MTCH1: variants seen among roughly 807,000 people sequenced by gnomAD.
The protein encoded by MTCH1 is mitochondrial carrier homolog 1.
Under a neutral mutation model 49.3 loss-of-function variants are expected in MTCH1, and 23 were observed. The ratio of observed to expected loss-of-function variants is 0.47; its 90% CI spans 0.34 to 0.66. MTCH1 has a LOEUF of 0.66. Ranked by LOEUF, MTCH1 falls within the 30% of genes least tolerant of loss-of-function variation. The probability of loss-of-function intolerance (pLI) is 0.01; values close to 1 mark genes in which losing one functional copy is unlikely to be tolerated. For synonymous variants in MTCH1, 229 were observed against 215.2 expected (o/e 1.06, Z -0.56); for missense variants, 397 against 532.1 (o/e 0.75, Z 2.50).
rs77389060 is a variant in MTCH1, at chr6:36,980,306, T to C, written c.406+1282A>G. Among the ~76,000 whole-genome samples, 324 of 152,286 alleles carry C rather than the reference T, an allele frequency of 2.1e-3. 9 individuals carry two copies. In the East Asian group the frequency reaches 0.049, roughly 23 times the overall value. ...TTTGGGAATGGCTGTGTCACATGAA[T>C]AGAGATGATCTGGGCTCTAACCTCG... On this transcript the variant is annotated intron_variant, in intron 2 of 11. Transcript: ENST00000373627.
rs1230629012 is a variant in MTCH1 at position 36,978,555 on chromosome 6, G to A, written c.463C>T (p.Arg155Trp). 1.9e-6 allele frequency: 3 copies of A among 1,614,130 alleles called. No individual in the cohort carries two copies. The highest frequency in any genetic ancestry group is 1.1e-5 in the South Asian group (1 of 91,070). Reference protein sequence around the residue: ...KIGLFRGLSPRLMSNALSTVT... With the variant: ...KIGLFRGLSPWLMSNALSTVT... ...GTAGAGAGGGCGTTGGACATCAGCC[G>A]GGGACTCAGGCCTCGGAACAGCCCT... Residue 155 changes from arginine (R) to tryptophan (W), a missense_variant, in exon 3 of 12, where the codon CGG (arginine) becomes TGG (tryptophan). Coordinates refer to ENST00000373627, the MANE Select transcript of MTCH1 (RefSeq NM_001271641.2).
At chr6:36,973,837 G>A (rs1763765290) in intron 7 of MTCH1, among the ~76,000 whole-genome samples, 1 of 152,232 alleles carries the variant, frequency 6.6e-6, no homozygotes, top group South Asian at 2.1e-4. Context: ...CATTGGCTGG[G>A]GTCCCGGGGC....
chr6:36,969,927 G>T (rs1413039623), intron 11 of MTCH1, 112 bp downstream of exon 11: 2 of 1,552,124 alleles, frequency 1.3e-6, no homozygotes, highest in Non-Finnish European at 1.7e-6. Context: ...TCACAATATT[G>T]AATTCCATGA....
intron 3 of MTCH1, 45 bp downstream of exon 3, chr6:36,978,460 A>G (rs1210089917): frequency 1.3e-6 from 2 of 1,584,130 alleles, no homozygotes; most frequent in Non-Finnish European, 8.7e-7. Flanking sequence ...GGCTGGGAGT[A>G]TGAGGAAACC....
At chr6:36,976,441 C>A in intron 6 of MTCH1, 1 of 434,346 alleles carries the variant, frequency 2.3e-6, no homozygotes, top group Non-Finnish European at 4.9e-6. Context: ...CCAGGCCCGG[C>A]CCCACCACTC....
Position 36,975,777 on chromosome 6 carries a change from G to A in MTCH1, c.702-60C>T, listed in dbSNP as rs368651137. ...GCAGTCACCTACCAGAAGCCCACCCGTTGGTGTGGGGCTGAGCCCACCAGT... is the reference window on the plus strand; with the variant it reads ...GCAGTCACCTACCAGAAGCCCACCCATTGGTGTGGGGCTGAGCCCACCAGT... On this transcript the variant is annotated intron_variant, in intron 6 of 11. Transcript: ENST00000373627. 154 of 1,513,204 alleles carry A rather than the reference G, an allele frequency of 1.0e-4. 1 individual carries two copies. In the African/African-American group the frequency reaches 1.2e-3, roughly 12 times the overall value. The allele number at this position is 1,513,204 out of a possible 1,614,324, so 93.7% of individuals were successfully genotyped here. A position where few individuals can be genotyped will look rare whatever the true frequency, so the allele number is the denominator to read the frequency against.
At chr6:36,980,975 T>C (rs1302418781) in intron 2 of MTCH1, among the ~76,000 whole-genome samples, 1 of 152,160 alleles carries the variant, frequency 6.6e-6, no homozygotes, top group Non-Finnish European at 1.5e-5. Flanking sequence ...CAGGAGAAGC[T>C]GACCTTACTT....
chr6:36,981,478 G>T, intron 2 of MTCH1, 110 bp downstream of exon 2: 2 of 963,810 alleles, frequency 2.1e-6, no homozygotes, highest in South Asian at 1.6e-5. Flanking sequence ...ATGCCAGCTC[G>T]ACTGCGTGCC....
Position 36,970,029 on chromosome 6 carries a change from G to C in MTCH1, c.1098+10C>G, listed in dbSNP as rs1295989302. On this transcript the variant is annotated intron_variant, in intron 11 of 11. Transcript: ENST00000373627. ...ACAGGAAAGGCCTCCGCCGTCCAGTGCTTGCTCACCTGCACACTCAGGTAC... is the reference window on the plus strand; with the variant it reads ...ACAGGAAAGGCCTCCGCCGTCCAGTCCTTGCTCACCTGCACACTCAGGTAC... 2 of 1,614,078 alleles carry C rather than the reference G, an allele frequency of 1.2e-6. No homozygotes were observed. The highest frequency in any genetic ancestry group is 4.5e-5 in the East Asian group (2 of 44,882).
intron 7 of MTCH1, 149 bp downstream of exon 7, chr6:36,975,509 G>T: frequency 1.4e-6 from 1 of 709,892 alleles, no homozygotes. Context: ...ACACGCTATG[G>T]AGCTCTGGAG....
chr6:36,972,556 G>A lies in MTCH1; in HGVS notation c.906+96C>T, dbSNP rs377243469. The A allele has an allele frequency of 7.1e-6, 10 of 1,416,558 alleles. No individual in the cohort carries two copies. The Admixed American group carries it at 1.6e-4, about 22-fold the overall frequency. The allele number at this position is 1,416,558 out of a possible 1,614,324, so 87.7% of individuals were successfully genotyped here. A position where few individuals can be genotyped will look rare whatever the true frequency, so the allele number is the denominator to read the frequency against. On this transcript the variant is annotated intron_variant, in intron 8 of 11. Transcript: ENST00000373627. This position sits in a 1 kb window ranked among gnomAD's most constrained non-coding sequence, Gnocchi z 4.1. ...ATGAGAGGTCCTCTCTCACCCTCCC[G>A]GCCTGATGCTGAGAATCCCAGAATC...
Position 36,977,248 on chromosome 6 carries a change from T to C in MTCH1, c.652A>G (p.Ile218Val). Residue 218 changes from isoleucine (I) to valine (V), a missense_variant and splice_region_variant, in exon 6 of 12, where the codon ATC becomes GTC. By Grantham distance (29) the Ile-to-Val change is conservative. This residue lies in a region of MTCH1 where 252 missense variants were observed against 388.3 expected (regional missense o/e 0.65). Transcript: ENST00000373627. The surrounding 1 kb of genome is among the most constrained non-coding windows in gnomAD (Gnocchi z 5.4). ...AACTGGACCATGCAGCGCATTGAGA[T>C]GACTGAGGAAAAAAAAGAAAACACA... Reference protein sequence around the residue: ...SRMLAHPLHVISMRCMVQFVG... With the variant: ...SRMLAHPLHVVSMRCMVQFVG... 6.2e-7 allele frequency: 1 copy of C among 1,613,946 alleles called. No individual in the cohort carries two copies. Among genetic ancestry groups the C allele is most frequent in the Non-Finnish European group, 8.5e-7 (1 of 1,179,948 alleles).
chr6:36,968,966 G>T lies in MTCH1; in HGVS notation c.1107C>A (p.Leu369=), dbSNP rs914130418. The change falls in exon 12 of 12, where the codon CTC becomes CTA. Residue 369 remains leucine (L), a synonymous_variant. Coordinates refer to ENST00000373627, the MANE Select transcript of MTCH1 (RefSeq NM_001271641.2). ...GGAAAAGCAGGCTGGAGCCTCGGAA[G>T]AGCTGGCCCTGGACCAGAAGGAAAA... ...CWKYLSVQGQ[L]FRGSSLLFRR... is the part of the protein sequence containing the mutation. 1 of 1,614,022 alleles carries T rather than the reference G, an allele frequency of 6.2e-7. No homozygotes were observed.
Position 36,970,029 on chromosome 6 carries a change from G to A in MTCH1, c.1098+10C>T, listed in dbSNP as rs1295989302. On this transcript the variant is annotated intron_variant, in intron 11 of 11. Coordinates refer to ENST00000373627, the MANE Select transcript of MTCH1 (RefSeq NM_001271641.2). ...ACAGGAAAGGCCTCCGCCGTCCAGTGCTTGCTCACCTGCACACTCAGGTAC... is the reference window on the plus strand; with the variant it reads ...ACAGGAAAGGCCTCCGCCGTCCAGTACTTGCTCACCTGCACACTCAGGTAC... 1.2e-5 allele frequency: 20 copies of A among 1,613,960 alleles called. No homozygotes were observed. The highest frequency in any genetic ancestry group is 1.7e-5 in the Non-Finnish European group (20 of 1,179,988).
In MTCH1 at chr6:36,972,655, G is replaced by A; in HGVS notation, c.903C>T (p.Ser301=). The A allele has an allele frequency of 6.4e-7, 1 of 1,550,508 alleles. No homozygotes were observed. The highest frequency in any genetic ancestry group is 8.7e-7 in the Non-Finnish European group (1 of 1,146,006). The change falls in exon 8 of 12, where the codon TCC becomes TCT. Residue 301 remains serine (S), a synonymous_variant. Transcript: ENST00000373627. This position sits in a 1 kb window ranked among gnomAD's most constrained non-coding sequence, Gnocchi z 4.1. ...GGLGNDQNPG[S]QFSQALAIRS... is the part of the protein sequence containing the mutation. ...ACAAGTCCTTGTTCCAACCAACCTG[G>A]GAACCTGGATTCTGGTCGTTTCCCA... is the stretch of plus-strand genomic sequence containing the variant.
rs1763951190 is a variant in MTCH1 at position 36,977,962 on chromosome 6, C to A, written c.591+116G>T. On this transcript the variant is annotated intron_variant, in intron 4 of 11. Coordinates refer to ENST00000373627, the MANE Select transcript of MTCH1 (RefSeq NM_001271641.2). The surrounding 1 kb of genome is among the most constrained non-coding windows in gnomAD (Gnocchi z 5.4). ...AGGGCTTCTTCCCTTACCATCCCAC[C>A]CATGCATACACAAGGACCCAACTCT... is the stretch of plus-strand genomic sequence containing the variant. The A allele has an allele frequency of 3.1e-6, 3 of 955,924 alleles. No individual in the cohort carries two copies. Among genetic ancestry groups the A allele is most frequent in the Non-Finnish European group, 5.0e-6 (3 of 596,150 alleles). 59.2% of individuals were successfully genotyped at this position (955,924 alleles called of 1,614,324 possible).
intron 1 of MTCH1, among the ~76,000 whole-genome samples, chr6:36,985,174 C>T (rs1764251981): frequency 6.6e-6 from 1 of 151,852 alleles, no homozygotes; most frequent in African/African-American, 2.4e-5. Flanking sequence ...GATAGCATTC[C>T]CCTGCAAAAG....
rs1010568918 is a variant in MTCH1 at position 36,968,880 on chromosome 6, C to A, written c.*23G>T. The A allele has an allele frequency of 6.2e-7, 1 of 1,613,770 alleles. No homozygotes were observed. The highest frequency in any genetic ancestry group is 8.5e-7 in the Non-Finnish European group (1 of 1,179,772). On this transcript the variant is annotated 3_prime_UTR_variant, in exon 12 of 12. Transcript: ENST00000373627. ...CTCACCCACGGTGGCCAGGTTGAGA[C>A]CGTGTTTTTTAGATGATTCAGGTTA...
intron 7 of MTCH1, among the ~76,000 whole-genome samples, chr6:36,974,969 C>T (rs933921247): frequency 6.6e-6 from 1 of 152,176 alleles, no homozygotes; most frequent in African/African-American, 2.4e-5. Flanking sequence ...TCTGTCTGCA[C>T]CTTATTCTTT....
Sources: allele counts gnomAD v4.1 joint callset (sites outside exome capture counted in the v4.1 genomes callset), GRCh38; gene constraint gnomAD v4.1.1; regional missense constraint gnomAD v4.1.1; non-coding constraint Gnocchi (gnomAD v3.1); transcripts MANE v1.5; gene names NCBI Gene and HGNC (gene_info 2026-07-23, HGNC 2026-07-21).